The following NFATC2 variants were observed in gnomAD, a reference collection of about 807,000 sequenced individuals.
NFATC2 encodes nuclear factor of activated T cells 2, also known as nuclear factor of activated T-cells, cytoplasmic 2.
NFATC2 carries 22 observed loss-of-function variants against 87.3 expected under a neutral mutation model. The observed-to-expected ratio is 0.25, with a 90% CI of 0.18 to 0.36. NFATC2 has a LOEUF of 0.36. NFATC2 is among the 10% of genes least tolerant of loss of function. The pLI is 1.00. For missense variants in NFATC2, 1,149 were observed against 1,259.1 expected (o/e 0.91, Z 1.32); for synonymous variants, 565 against 542.2 (o/e 1.04, Z -0.58).
chr20:51,562,729 G>A, upstream of NFATC2: 2 of 1,221,064 alleles, frequency 1.6e-6, no homozygotes, highest in Non-Finnish European at 1.2e-6. The surrounding 1 kb of genome is among the most constrained non-coding windows in gnomAD (Gnocchi z 5.8). Flanking sequence ...GTGCCCGCGG[G>A]GCTGCCCTGG....
intron 9 of NFATC2, among the ~76,000 whole-genome samples, chr20:51,404,962 C>T (rs754729892): frequency 2.6e-5 from 4 of 152,220 alleles, no homozygotes; most frequent in East Asian, 3.8e-4. Context: ...TGCCACACCA[C>T]GTGCCAAACT....
At chr20:51,528,361 C>T (rs1449625726) in intron 1 of NFATC2, among the ~76,000 whole-genome samples, 1 of 152,092 alleles carries the variant, frequency 6.6e-6, no homozygotes, top group East Asian at 1.9e-4. Flanking sequence ...ATAGTGTGCA[C>T]AGCATAAAAA....
intron 10 of NFATC2, among the ~76,000 whole-genome samples, chr20:51,393,075 T>C (rs912760041): frequency 4.6e-5 from 7 of 152,258 alleles, no homozygotes; most frequent in Admixed American, 4.6e-4. Flanking sequence ...CTGGTGGTTA[T>C]GATGGTTAGT....
At chr20:51,419,209 C>T (rs1980517335) in intron 9 of NFATC2, among the ~76,000 whole-genome samples, 1 of 152,160 alleles carries the variant, frequency 6.6e-6, no homozygotes, top group African/African-American at 2.4e-5. Flanking sequence ...ATGATCATAT[C>T]TATCCTGCAC....
At position 51,398,744 on chromosome 20, in the gene NFATC2, G is replaced by T; in HGVS notation, c.2723-14C>A. On this transcript the variant is annotated splice_polypyrimidine_tract_variant and intron_variant, in intron 9 of 10. Transcript: ENST00000371564. Reference sequence around the variant, plus strand: ...TGTCTATCAGCTCTGAAAAAGATTTGCAAAATCATTTTTGAGAAGAAAAAA... The same window carrying T: ...TGTCTATCAGCTCTGAAAAAGATTTTCAAAATCATTTTTGAGAAGAAAAAA... 1 of 1,576,724 alleles carries T rather than the reference G, an allele frequency of 6.3e-7. No individual in the cohort carries two copies.
intron 3 of NFATC2, among the ~76,000 whole-genome samples, chr20:51,486,700 G>A (rs1041958860): frequency 1.9e-4 from 29 of 150,476 alleles, no homozygotes; most frequent in Admixed American, 1.5e-3. Context: ...ATAAATAAAC[G>A]AATAGATTGA....
intron 5 of NFATC2, among the ~76,000 whole-genome samples, chr20:51,461,835 G>T (rs781486977): frequency 7.2e-5 from 11 of 152,240 alleles, no homozygotes; most frequent in Admixed American, 2.0e-4. Context: ...CAGCGGACAG[G>T]CTGGGTGTGG....
intron 3 of NFATC2, among the ~76,000 whole-genome samples, chr20:51,490,677 A>G (rs1464653035): frequency 6.6e-6 from 1 of 152,246 alleles, no homozygotes; most frequent in African/African-American, 2.4e-5. Context: ...TATAGCAGCT[A>G]CACACGGTGG....
At chr20:51,428,123 G>A (rs1011517735) in intron 9 of NFATC2, among the ~76,000 whole-genome samples, 20 of 152,052 alleles carry the variant, frequency 1.3e-4, no homozygotes, top group African/African-American at 4.8e-4. Flanking sequence ...GAAGGGTTAA[G>A]GACAGGGAGG....
chr20:51,414,876 T>C (rs1411470524), intron 9 of NFATC2, among the ~76,000 whole-genome samples: 11 of 152,074 alleles, frequency 7.2e-5, no homozygotes, highest in Admixed American at 7.2e-4. Context: ...CAGAAAGGTT[T>C]CTGTTTCTAA....
At position 51,542,487 on chromosome 20, in the gene NFATC2, C is replaced by G; in HGVS notation, c.13G>C (p.Glu5Gln). The G allele has an allele frequency of 1.2e-5, 18 of 1,520,464 alleles. No individual in the cohort carries two copies. Among genetic ancestry groups the G allele is most frequent in the Non-Finnish European group, 1.6e-5 (18 of 1,142,248 alleles). The allele number at this position is 1,520,464 out of a possible 1,614,324, so 94.2% of individuals were successfully genotyped here. A position where few individuals can be genotyped will look rare whatever the true frequency, so the allele number is the denominator to read the frequency against. Residue 5 changes from glutamate (E) to glutamine (Q), a missense_variant, in exon 1 of 11, where the codon GAG becomes CAG. This residue lies in a region of NFATC2 where 563 missense variants were observed against 585.2 expected (regional missense o/e 0.96). Transcript: ENST00000371564. Reference sequence around the variant, plus strand: ...CCGCCGTCGGGTTGGGGCTGCCGCTCGGGGGCGTTCATGGCGCGCAGGGCG... The same window carrying G: ...CCGCCGTCGGGTTGGGGCTGCCGCTGGGGGGCGTTCATGGCGCGCAGGGCG... Reference protein sequence around the residue: MNAPERQPQPDGGDA... With the variant: MNAPQRQPQPDGGDA...
At chr20:51,461,395 T>G (rs996465624) in intron 5 of NFATC2, among the ~76,000 whole-genome samples, 1 of 152,242 alleles carries the variant, frequency 6.6e-6, no homozygotes, top group Non-Finnish European at 1.5e-5. Flanking sequence ...GGCTCAGGCC[T>G]GCGGGTGAAG....
intron 3 of NFATC2, among the ~76,000 whole-genome samples, chr20:51,512,843 A>G (rs1448738904): frequency 6.6e-6 from 1 of 152,180 alleles, no homozygotes; most frequent in Non-Finnish European, 1.5e-5. Context: ...AAAGAGTGAG[A>G]CAGAAATCAA....
At chr20:51,431,148 A>G (rs145289021) in intron 9 of NFATC2, among the ~76,000 whole-genome samples, 1 of 152,126 alleles carries the variant, frequency 6.6e-6, no homozygotes, top group Non-Finnish European at 1.5e-5. Context: ...CCACAAATAT[A>G]TATACCTGCT....
chr20:51,448,522 T>C (rs1035592573), intron 6 of NFATC2, among the ~76,000 whole-genome samples: 88 of 152,346 alleles, frequency 5.8e-4, no homozygotes, highest in African/African-American at 2.0e-3. Context: ...CAGGTGCCTA[T>C]AGTCCCAGCT....
intron 3 of NFATC2, among the ~76,000 whole-genome samples, chr20:51,506,793 G>A (rs1274679591): frequency 6.6e-6 from 1 of 152,158 alleles, no homozygotes; most frequent in African/African-American, 2.4e-5. Context: ...GTCCCCTCTT[G>A]TGGCATGTTG....
intron 1 of NFATC2, among the ~76,000 whole-genome samples, chr20:51,559,883 C>T (rs980703302): frequency 5.3e-5 from 8 of 152,222 alleles, no homozygotes; most frequent in South Asian, 2.1e-4. Flanking sequence ...TCATTTCATA[C>T]GATGCTCTTG....
At chr20:51,470,072 C>T (rs116136573) in intron 5 of NFATC2, among the ~76,000 whole-genome samples, 4,792 of 152,242 alleles carry the variant, frequency 0.031, 188 homozygotes, top group East Asian at 0.13. Flanking sequence ...AGGGGAACTG[C>T]TCCGTGCCAA....
intron 6 of NFATC2, among the ~76,000 whole-genome samples, chr20:51,452,422 C>T (rs1390849506): frequency 2.0e-5 from 3 of 152,158 alleles, no homozygotes; most frequent in African/African-American, 4.8e-5. Context: ...CCTGGGAGGT[C>T]GGAGCCAATT....
Sources: gnomAD v4.1 joint callset for allele counts (sites outside exome capture counted in the v4.1 genomes callset) on GRCh38, gnomAD v4.1.1 for gene constraint, gnomAD v4.1.1 regional missense constraint, Gnocchi (gnomAD v3.1) non-coding constraint, MANE v1.5 for transcripts, NCBI Gene and HGNC (gene_info 2026-07-23, HGNC 2026-07-21) for gene names.